PCDHGA1: variants seen among roughly 807,000 people sequenced by gnomAD.
PCDHGA1 encodes protocadherin gamma subfamily A, 1.
PCDHGA1 carries 32 observed loss-of-function variants against 58.0 expected under a neutral mutation model. The observed-to-expected ratio is 0.55, with a 90% confidence interval of 0.42 to 0.74. The LOEUF (loss-of-function observed/expected upper bound fraction) is 0.74. PCDHGA1 is among the 30% of genes least tolerant of loss of function. PCDHGA1 has a pLI of 0.00. For synonymous variants in PCDHGA1, 498 were observed against 501.1 expected (o/e 0.99, Z 0.08); for missense variants, 1,205 against 1,182.3 (o/e 1.02, Z -0.28).
Position 141,485,835 on chromosome 5 carries a change from C to T in PCDHGA1, c.2422-8972C>T, listed in dbSNP as rs747722740. On this transcript the variant is annotated intron_variant, in intron 1 of 3. Transcript: ENST00000517417. This position sits in a 1 kb window ranked among gnomAD's most constrained non-coding sequence, Gnocchi z 5.7. ...ACTGCTGTCGATGGAGGGAACCCGC[C>T]GAGATCTGGCACCGCAGAGCTCCGG... 6.2e-7 allele frequency: 1 copy of T among 1,614,190 alleles called. No homozygotes were observed. Among genetic ancestry groups the T allele is most frequent in the Non-Finnish European group, 8.5e-7 (1 of 1,180,048 alleles).
chr5:141,394,926 C>T, intron 1 of PCDHGA1: 2 of 1,613,844 alleles, frequency 1.2e-6, no homozygotes, highest in Non-Finnish European at 1.7e-6. Context: ...CTGTGTCTTC[C>T]TCGCCTTTGT....
chr5:141,445,416 T>C lies in PCDHGA1; in HGVS notation c.2422-49391T>C, dbSNP rs190826518. ...TAACAAATATTTATTAACTGTCTGC[T>C]ATATGCAAGGCACTGACCTATGGAC... On this transcript the variant is annotated intron_variant, in intron 1 of 3. Coordinates refer to ENST00000517417, the MANE Select transcript of PCDHGA1 (RefSeq NM_018912.3). 2.2e-3 allele frequency among the ~76,000 whole-genome samples: 336 copies of C among 152,342 alleles called. 1 individual carries two copies. The highest frequency in any genetic ancestry group is 0.01 in the Middle Eastern group (3 of 294).
At chr5:141,371,928 G>C (rs1305933236) in intron 1 of PCDHGA1, 1 of 1,613,350 alleles carries the variant, frequency 6.2e-7, no homozygotes. Flanking sequence ...CGCGCGGAGC[G>C]GGGTGGTGTT....
intron 1 of PCDHGA1, among the ~76,000 whole-genome samples, chr5:141,444,256 C>T (rs1445343718): frequency 2.1e-5 from 3 of 146,298 alleles, no homozygotes; most frequent in African/African-American, 5.1e-5. Context: ...ACTGCAACCT[C>T]CGCCTCCCAG....
intron 1 of PCDHGA1, chr5:141,408,389 G>T: frequency 6.2e-7 from 1 of 1,614,032 alleles, no homozygotes; most frequent in Non-Finnish European, 8.5e-7. Flanking sequence ...GGATGTGTCG[G>T]CTCGCAAGCT....
chr5:141,423,895 G>T, intron 1 of PCDHGA1: 1 of 1,277,758 alleles, frequency 7.8e-7, no homozygotes, highest in Non-Finnish European at 9.9e-7. Flanking sequence ...ATTTTCTTTT[G>T]ATTTCAAAGG....
intron 1 of PCDHGA1, chr5:141,350,978 A>C (rs1464156311): frequency 1.2e-6 from 2 of 1,613,956 alleles, no homozygotes; most frequent in Non-Finnish European, 8.5e-7. Context: ...TCCCGTGTTT[A>C]GCCAGGAGGT....
At chr5:141,410,370 C>T (rs780808768) in intron 1 of PCDHGA1, 2 of 1,614,060 alleles carry the variant, frequency 1.2e-6, no homozygotes, top group South Asian at 2.2e-5. Flanking sequence ...AGCCCTGCTA[C>T]TTGGGACTGC....
rs111327215 is a variant in PCDHGA1, at chr5:141,332,028, C to T, written c.1344C>T (p.Asn448=). The T allele has an allele frequency of 3.4e-3, 5,561 of 1,614,166 alleles. 15 individuals carry two copies. Among genetic ancestry groups the T allele is most frequent in the Non-Finnish European group, 4.2e-3 (4,999 of 1,180,026 alleles). Residue 448 remains asparagine, a synonymous_variant, in exon 1 of 4, where the codon AAC becomes AAT. Coordinates refer to ENST00000517417, the MANE Select transcript of PCDHGA1 (RefSeq NM_018912.3). This position sits in a 1 kb window ranked among gnomAD's most constrained non-coding sequence, Gnocchi z 4.6. ...TACTAGTGACAGATATCAATGACAA[C>T]TCCCCAGTCTTCCATCAGGACTCCT... ...ISLLVTDIND[N]SPVFHQDSYS...
intron 1 of PCDHGA1, chr5:141,394,938 G>C: frequency 6.2e-7 from 1 of 1,613,780 alleles, no homozygotes; most frequent in Admixed American, 1.7e-5. Context: ...CGCCTTTGTC[G>C]CTGTGCTTCT....
At chr5:141,419,084 G>A in intron 1 of PCDHGA1, 2 of 1,613,920 alleles carry the variant, frequency 1.2e-6, no homozygotes, top group Non-Finnish European at 1.7e-6. Flanking sequence ...AACAGATGAG[G>A]CCCTGGATCG....
chr5:141,349,802 C>A (rs1758351932), intron 1 of PCDHGA1, among the ~76,000 whole-genome samples: 2 of 151,314 alleles, frequency 1.3e-5, no homozygotes, highest in South Asian at 4.2e-4. Flanking sequence ...TTTTTTTTTA[C>A]CCCCAAAACT....
At chr5:141,399,658 T>C (rs766038311) in intron 1 of PCDHGA1, 2 of 1,613,690 alleles carry the variant, frequency 1.2e-6, no homozygotes, top group South Asian at 2.2e-5. Flanking sequence ...TGGGGTGGTG[T>C]TCGCGCAGCG....
chr5:141,428,251 T>G, intron 1 of PCDHGA1: 2 of 893,496 alleles, frequency 2.2e-6, no homozygotes, highest in Non-Finnish European at 3.6e-6. Context: ...ACTGCCAGAC[T>G]TCAGTGACAG....
rs569260568 is a variant in PCDHGA1, at chr5:141,408,294, A to G, written c.2421+75189A>G. The G allele has an allele frequency of 2.0e-5, 33 of 1,613,508 alleles. No homozygotes were observed. The East Asian group carries it at 7.1e-4, about 35-fold the overall frequency. ...CCTTTGTTCTACCCCACCCTGAGTG[A>G]GCCGATCCGCTACTCGATTCCGGAG... is the stretch of plus-strand genomic sequence containing the variant. On this transcript the variant is annotated intron_variant, in intron 1 of 3. Coordinates refer to ENST00000517417, the MANE Select transcript of PCDHGA1 (RefSeq NM_018912.3).
intron 1 of PCDHGA1, chr5:141,366,800 C>G (rs1243230147): frequency 1.3e-6 from 2 of 1,565,118 alleles, no homozygotes; most frequent in African/African-American, 2.7e-5. Flanking sequence ...TCATTTGTTT[C>G]CTTTTTCATG....
At chr5:141,368,190 GA>G (rs1352069840) in intron 1 of PCDHGA1, among the ~76,000 whole-genome samples, 2 of 152,032 alleles carry the variant, frequency 1.3e-5, no homozygotes, top group African/African-American at 4.8e-5. Flanking sequence ...TAAATAAGGG[GA>G]AAAGGTAATA....
rs1161697588 is a variant in PCDHGA1, at chr5:141,491,464, T to C, written c.2422-3343T>C. 7 of 1,613,982 alleles carry C rather than the reference T, an allele frequency of 4.3e-6. No homozygotes were observed. In the African/African-American group the frequency reaches 9.3e-5, roughly 22 times the overall value. On this transcript the variant is annotated intron_variant, in intron 1 of 3. Transcript: ENST00000517417. This position sits in a 1 kb window ranked among gnomAD's most constrained non-coding sequence, Gnocchi z 6.9. ...CCAGGACTCACCCTCCCCGGACTTCTATAAGCAGTCCAGCCCCAACCTGCA... is the reference window on the plus strand; with the variant it reads ...CCAGGACTCACCCTCCCCGGACTTCCATAAGCAGTCCAGCCCCAACCTGCA...
chr5:141,386,894 A>G (rs1266264149), intron 1 of PCDHGA1, among the ~76,000 whole-genome samples: 1 of 152,228 alleles, frequency 6.6e-6, no homozygotes, highest in Non-Finnish European at 1.5e-5. Context: ...TGTTTCCTTC[A>G]ATTCAGAGGT....
Sources: allele counts gnomAD v4.1 joint callset (sites outside exome capture counted in the v4.1 genomes callset), GRCh38; gene constraint gnomAD v4.1.1; non-coding constraint Gnocchi (gnomAD v3.1); transcripts MANE v1.5; gene names NCBI Gene and HGNC (gene_info 2026-07-23, HGNC 2026-07-21).